RGS22: variants seen among roughly 807,000 people sequenced by gnomAD.
RGS22 encodes regulator of G-protein signaling 22.
RGS22 carries 148 observed loss-of-function variants against 172.9 expected under a neutral mutation model. The observed-to-expected ratio is 0.86, with a 90% CI of 0.75 to 0.98. The LOEUF is 0.98. Ranked by LOEUF, RGS22 falls within the 50% of genes least tolerant of loss-of-function variation. RGS22 has a pLI of 0.00. For synonymous variants in RGS22, 458 were observed against 480.2 expected, an observed-to-expected ratio of 0.95 and a Z score of 0.60; for missense variants, 1,347 against 1,440.8, an observed-to-expected ratio of 0.93 and a Z score of 1.05.
intron 21 of RGS22, among the ~76,000 whole-genome samples, chr8:99,983,353 G>T (rs1048408042): frequency 6.6e-6 from 1 of 152,174 alleles, no homozygotes; most frequent in Non-Finnish European, 1.5e-5. Context: ...TGGTAGCTCT[G>T]TTTTAATTTC....
In RGS22 at chr8:99,968,416, G is replaced by A. The variant is rs922244575; in HGVS notation, c.3520-2986C>T. 5.9e-5 allele frequency among the ~76,000 whole-genome samples: 9 copies of A among 151,994 alleles called. No individual in the cohort carries two copies. The East Asian group carries it at 1.7e-3, about 29-fold the overall frequency. On this transcript the variant is annotated intron_variant, in intron 23 of 27. Transcript: ENST00000360863. The stretch of plus-strand genomic sequence containing the variant: ...TTGACAGAAATAGGCTTCAGAAGGT[G>A]GGTAATAACAAACTCTTCTGAGCTA...
intron 14 of RGS22, among the ~76,000 whole-genome samples, chr8:100,019,552 G>A (rs1000193355): frequency 6.6e-6 from 1 of 152,162 alleles, no homozygotes; most frequent in African/African-American, 2.4e-5. Flanking sequence ...CAAAACCTAT[G>A]TACTGTGAGA....
At chr8:100,033,527 T>C (rs1379317480) in intron 14 of RGS22, among the ~76,000 whole-genome samples, 2 of 143,272 alleles carry the variant, frequency 1.4e-5, no homozygotes, top group African/African-American at 2.5e-5. Context: ...CAGTAATTAA[T>C]AGCCTACCAA....
At chr8:99,967,342 T>TG (rs970393242) in intron 23 of RGS22, among the ~76,000 whole-genome samples, 30 of 152,032 alleles carry the variant, frequency 2.0e-4, no homozygotes, top group African/African-American at 7.2e-4. Flanking sequence ...TGTTTTTTTT[T>TG]TTTGTACCCC....
chr8:100,047,751 A>T (rs748373067), intron 10 of RGS22, among the ~76,000 whole-genome samples, 155 bp from the exon 11 acceptor site: 14 of 152,168 alleles, frequency 9.2e-5, no homozygotes, highest in Non-Finnish European at 1.8e-4. Context: ...TTCTTTCTCC[A>T]ACTCCTACTT....
intron 14 of RGS22, among the ~76,000 whole-genome samples, chr8:100,032,666 C>T (rs1372101892): frequency 6.6e-6 from 1 of 152,122 alleles, no homozygotes; most frequent in Admixed American, 6.5e-5. Context: ...ACTAAGTGGA[C>T]CTAATAGACA....
intron 18 of RGS22, among the ~76,000 whole-genome samples, chr8:100,000,331 T>C (rs1441500051): frequency 6.6e-6 from 1 of 152,108 alleles, no homozygotes. Context: ...TAGTTCTCCT[T>C]TAATAATATC....
intron 23 of RGS22, among the ~76,000 whole-genome samples, chr8:99,972,667 G>T (rs1297072146): frequency 6.6e-6 from 1 of 152,116 alleles, no homozygotes; most frequent in Non-Finnish European, 1.5e-5. Flanking sequence ...ATCAACACTG[G>T]TCATTAGAGA....
chr8:99,968,054 G>A (rs1810938594), intron 23 of RGS22, among the ~76,000 whole-genome samples: 1 of 152,204 alleles, frequency 6.6e-6, no homozygotes. Context: ...CAATCTTTTT[G>A]TTCTGCAGCC....
chr8:99,965,821 A>T (rs1810671273), intron 23 of RGS22, among the ~76,000 whole-genome samples: 1 of 152,150 alleles, frequency 6.6e-6, no homozygotes, highest in African/African-American at 2.4e-5. Context: ...GAATCTAACT[A>T]CGTTTGCTCT....
At position 100,088,600 on chromosome 8, in the gene RGS22, A is replaced by G. The variant is rs570467593; in HGVS notation, c.117+4847T>C. Among the ~76,000 whole-genome samples, 4 of 152,260 alleles carry G rather than the reference A, an allele frequency of 2.6e-5. No individual in the cohort carries two copies. In the South Asian group the frequency reaches 8.3e-4, roughly 32 times the overall value. ...CAAACGGAATGAAGTTATGAAAGCT[A>G]GGATTTGGAAAGTGCTGCAATCATT... On this transcript the variant is annotated intron_variant, in intron 3 of 27. Transcript: ENST00000360863.
intron 21 of RGS22, among the ~76,000 whole-genome samples, chr8:99,984,788 GACACACACAC>G (rs111285438): frequency 6.4e-5 from 9 of 139,632 alleles, no homozygotes; most frequent in Admixed American, 1.5e-4. Context: ...AGTCTTTACG[GACACACACAC>G]ACACACACAC....
intron 11 of RGS22, among the ~76,000 whole-genome samples, chr8:100,044,947 T>G (rs888092438): frequency 6.6e-6 from 1 of 152,170 alleles, no homozygotes; most frequent in Non-Finnish European, 1.5e-5. Flanking sequence ...CACAAAAAAT[T>G]CGGATGTAGA....
chr8:100,083,830 C>CTTTTTTTTTTTTTTTTT (rs59603032), intron 3 of RGS22, among the ~76,000 whole-genome samples: 19 of 126,018 alleles, frequency 1.5e-4, no homozygotes, highest in African/African-American at 3.7e-4. Flanking sequence ...AATTTCTTTT[C>CTTTTTTTTTTTTTTTTT]TTTTTTTTTT....
At chr8:100,031,427 G>A (rs1195887410) in intron 14 of RGS22, among the ~76,000 whole-genome samples, 2 of 152,126 alleles carry the variant, frequency 1.3e-5, no homozygotes, top group East Asian at 3.9e-4. Context: ...TAAAAGTGCT[G>A]TGGATTTACC....
intron 7 of RGS22, among the ~76,000 whole-genome samples, chr8:100,065,361 TCA>T (rs1288134447): frequency 1.3e-5 from 2 of 152,186 alleles, no homozygotes; most frequent in African/African-American, 4.8e-5. Context: ...ATTATATACT[TCA>T]ATATTTTGGG....
At chr8:100,029,522 T>C (rs1300477863) in intron 14 of RGS22, among the ~76,000 whole-genome samples, 3 of 151,728 alleles carry the variant, frequency 2.0e-5, no homozygotes, top group Non-Finnish European at 4.4e-5. Context: ...ACCAGCATGG[T>C]GAAACCCCGT....
Position 100,072,160 on chromosome 8 carries a change from C to A in RGS22, c.410G>T (p.Cys137Phe). 1 of 1,592,924 alleles carries A rather than the reference C, an allele frequency of 6.3e-7. No homozygotes were observed. The change falls in exon 5 of 28, where the codon TGT (cysteine) becomes TTT (phenylalanine). Residue 137 changes from cysteine to phenylalanine, a missense_variant. By Grantham distance (205) the Cys-to-Phe change is radical (BLOSUM62 -2). Coordinates refer to ENST00000360863, the MANE Select transcript of RGS22 (RefSeq NM_015668.5). ...ACTATAGTACCTGTATTCAAAGTAA[C>A]AATCACTTTCCAGAAATGCTGGAAG... ...ERLPAFLESD[C>F]YFEYRLAKLV...
In RGS22 at chr8:100,044,447, A is replaced by G. The variant is rs971201296; in HGVS notation, c.1824-2531T>C. The stretch of plus-strand genomic sequence containing the variant: ...TATTTAGTAGAGACGGGGTTTCACC[A>G]TGTTGGCCAGGCTGGCCTGAAACTC... On this transcript the variant is annotated intron_variant, in intron 11 of 27. Coordinates refer to ENST00000360863, the MANE Select transcript of RGS22 (RefSeq NM_015668.5). 2.0e-5 allele frequency among the ~76,000 whole-genome samples: 3 copies of G among 152,212 alleles called. No homozygotes were observed. The East Asian group carries it at 5.8e-4, about 29-fold the overall frequency.
Sources: allele counts gnomAD v4.1 joint callset (sites outside exome capture counted in the v4.1 genomes callset), GRCh38; gene constraint gnomAD v4.1.1; transcripts MANE v1.5; gene names NCBI Gene and HGNC (gene_info 2026-07-23, HGNC 2026-07-21).